MAP3K4: variants seen among roughly 807,000 people sequenced by gnomAD.
The protein encoded by MAP3K4 is MAP three kinase 1.
A neutral mutation model predicts 185.6 loss-of-function variants in MAP3K4; 67 were observed. That is an observed-to-expected ratio of 0.36 (90% confidence interval 0.30 to 0.44). The LOEUF (loss-of-function observed/expected upper bound fraction) is 0.44. Among genes scored for constraint, MAP3K4 ranks in the 20% least tolerant of loss-of-function variants. The pLI is 1.00. For synonymous variants in MAP3K4, 702 were observed against 710.4 expected (o/e 0.99, Z 0.19); for missense variants, 1,551 against 1,995.1 (o/e 0.78, Z 4.24).
In MAP3K4 at chr6:161,061,689, C is replaced by T. The variant is rs2114793230; in HGVS notation, c.1708-8919C>T. Reference sequence around the variant, plus strand: ...TTTCTGTCTCTTAATATTTGCCTAGCCATATAAATGTGGTCATATGGTATG... The same window carrying T: ...TTTCTGTCTCTTAATATTTGCCTAGTCATATAAATGTGGTCATATGGTATG... On this transcript the variant is annotated intron_variant, in intron 3 of 26. Coordinates refer to ENST00000392142, the MANE Select transcript of MAP3K4 (RefSeq NM_005922.4). This position sits in a 1 kb window ranked among gnomAD's most constrained non-coding sequence, Gnocchi z 4.2. Among the ~76,000 whole-genome samples, 1 of 152,314 alleles carries T rather than the reference C, an allele frequency of 6.6e-6. No homozygotes were observed. The highest frequency in any genetic ancestry group is 2.1e-4 in the South Asian group (1 of 4,818).
rs1562528370 is a variant in MAP3K4 at position 161,084,454 on chromosome 6, T to TATC, written c.2256-46_2256-45insTCA. On this transcript the variant is annotated intron_variant, in intron 6 of 26. Coordinates refer to ENST00000392142, the MANE Select transcript of MAP3K4 (RefSeq NM_005922.4). This position sits in a 1 kb window ranked among gnomAD's most constrained non-coding sequence, Gnocchi z 4.6. Reference sequence around the variant, plus strand: ...TCTCAGTCAAGAATTAGGCTATGAGTAGGGACAGTTTTCTTCTCTGTTTTA... The same window carrying TATC: ...TCTCAGTCAAGAATTAGGCTATGAGTATCAGGGACAGTTTTCTTCTCTGTTTTA... 2 of 896,222 alleles carry TATC rather than the reference T, an allele frequency of 2.2e-6. No individual in the cohort carries two copies. Among genetic ancestry groups the TATC allele is most frequent in the Admixed American group, 3.4e-5 (2 of 58,826 alleles). 55.5% of individuals were successfully genotyped at this position (896,222 alleles called of 1,614,324 possible).
In MAP3K4 at chr6:161,096,054, A is replaced by G. The variant is rs192758487; in HGVS notation, c.3428-1026A>G. ...TATTGAATTTCTTCCATTTGTTACT[A>G]TTGAATTTCTTCCATTTGCCATTGT... On this transcript the variant is annotated intron_variant, in intron 15 of 26. Coordinates refer to ENST00000392142, the MANE Select transcript of MAP3K4 (RefSeq NM_005922.4). The surrounding 1 kb of genome is among the most constrained non-coding windows in gnomAD (Gnocchi z 4.9). 6.6e-6 allele frequency among the ~76,000 whole-genome samples: 1 copy of G among 152,118 alleles called. No homozygotes were observed. Among genetic ancestry groups the G allele is most frequent in the Non-Finnish European group, 1.5e-5 (1 of 67,962 alleles).
chr6:161,065,658 G>A (rs1173299296), intron 3 of MAP3K4, among the ~76,000 whole-genome samples: 2 of 152,190 alleles, frequency 1.3e-5, no homozygotes, highest in East Asian at 3.8e-4. Context: ...ATATTTGTGG[G>A]CTGGGCACGG....
At chr6:161,057,866 A>G (rs905373148) in intron 3 of MAP3K4, among the ~76,000 whole-genome samples, 6 of 152,366 alleles carry the variant, frequency 3.9e-5, no homozygotes, top group Admixed American at 2.0e-4. Context: ...TAAACATACA[A>G]ACATACAAAG....
chr6:161,073,752 T>A lies in MAP3K4; in HGVS notation c.2097+140T>A. 1 of 867,356 alleles carries A rather than the reference T, an allele frequency of 1.2e-6. No individual in the cohort carries two copies. The highest frequency in any genetic ancestry group is 1.7e-6 in the Non-Finnish European group (1 of 594,684). 53.7% of individuals were successfully genotyped at this position (867,356 alleles called of 1,614,324 possible). A position where few individuals can be genotyped will look rare whatever the true frequency, so the allele number is the denominator to read the frequency against. Reference sequence around the variant, plus strand: ...CTCTAGTAATGAATTATAGAAATGATCCCTGAAAGTATAGCTTGTGTGTGT... The same window carrying A: ...CTCTAGTAATGAATTATAGAAATGAACCCTGAAAGTATAGCTTGTGTGTGT... On this transcript the variant is annotated intron_variant, in intron 5 of 26. Transcript: ENST00000392142. This position sits in a 1 kb window ranked among gnomAD's most constrained non-coding sequence, Gnocchi z 4.2.
At position 161,081,016 on chromosome 6, in the gene MAP3K4, G is replaced by T. The variant is rs1329541105; in HGVS notation, c.2233G>T (p.Ala745Ser). The change falls in exon 6 of 27, where the codon GCA (alanine) becomes TCA (serine). Residue 745 changes from alanine to serine, a missense_variant. By Grantham distance (99) the Ala-to-Ser change is moderately conservative (BLOSUM62 1). Transcript: ENST00000392142. The stretch of plus-strand genomic sequence containing the variant: ...AACTCATTACATACGGGGAGGAGAA[G>T]CACAGGCCGGGAAGCTTTTCTGGTA... ...EITHYIRGGE[A>S]QAGKLFCDIA... 6.2e-7 allele frequency: 1 copy of T among 1,613,970 alleles called. No homozygotes were observed. Among genetic ancestry groups the T allele is most frequent in the African/African-American group, 1.3e-5 (1 of 74,930 alleles).
Position 160,996,236 on chromosome 6 carries a change from G to T in MAP3K4, c.152+4153G>T, listed in dbSNP as rs1780985051. ...TGTAACAGTAGATGCCATTGGCGGGGGTGGCGTTAGGCAGAGAGGAGTCAC... is the reference window on the plus strand; with the variant it reads ...TGTAACAGTAGATGCCATTGGCGGGTGTGGCGTTAGGCAGAGAGGAGTCAC... On this transcript the variant is annotated intron_variant, in intron 1 of 26. Coordinates refer to ENST00000392142, the MANE Select transcript of MAP3K4 (RefSeq NM_005922.4). The surrounding 1 kb of genome is among the most constrained non-coding windows in gnomAD (Gnocchi z 4.5). Among the ~76,000 whole-genome samples the T allele has an allele frequency of 6.6e-6, 1 of 152,166 alleles. No homozygotes were observed. The highest frequency in any genetic ancestry group is 1.5e-5 in the Non-Finnish European group (1 of 68,038).
chr6:160,996,146 G>A lies in MAP3K4; in HGVS notation c.152+4063G>A, dbSNP rs966594616. Reference sequence around the variant, plus strand: ...TATGTCAACTGTTCTCCCTGGCAAAGTCAGCCTCCTGTGGTGCTCCAGACT... The same window carrying A: ...TATGTCAACTGTTCTCCCTGGCAAAATCAGCCTCCTGTGGTGCTCCAGACT... On this transcript the variant is annotated intron_variant, in intron 1 of 26. Transcript: ENST00000392142. The surrounding 1 kb of genome is among the most constrained non-coding windows in gnomAD (Gnocchi z 4.5). Among the ~76,000 whole-genome samples, 2 of 152,136 alleles carry A rather than the reference G, an allele frequency of 1.3e-5. No individual in the cohort carries two copies. Among genetic ancestry groups the A allele is most frequent in the Admixed American group, 1.3e-4 (2 of 15,272 alleles).
In MAP3K4 at chr6:161,091,545, G is replaced by A. The variant is rs1562533684; in HGVS notation, c.3135+5G>A. On this transcript the variant is annotated splice_donor_5th_base_variant and intron_variant, in intron 12 of 26. Transcript: ENST00000392142. The surrounding 1 kb of genome is among the most constrained non-coding windows in gnomAD (Gnocchi z 5.5). ...GGGTACAATTTTGGATTTGAGGTAGGTTCAAAATAAGAGGAAACACGGTAC... is the reference window on the plus strand; with the variant it reads ...GGGTACAATTTTGGATTTGAGGTAGATTCAAAATAAGAGGAAACACGGTAC... 1.2e-6 allele frequency: 2 copies of A among 1,608,056 alleles called. No individual in the cohort carries two copies. Among genetic ancestry groups the A allele is most frequent in the Non-Finnish European group, 1.7e-6 (2 of 1,177,676 alleles).
At position 161,107,823 on chromosome 6, in the gene MAP3K4, T is replaced by C. The variant is rs1778156069; in HGVS notation, c.4049-76T>C. The C allele has an allele frequency of 7.4e-6, 7 of 943,192 alleles. No homozygotes were observed. The highest frequency in any genetic ancestry group is 1.0e-5 in the Non-Finnish European group (6 of 585,054). The allele number at this position is 943,192 out of a possible 1,614,324, so 58.4% of individuals were successfully genotyped here. A position where few individuals can be genotyped will look rare whatever the true frequency, so the allele number is the denominator to read the frequency against. ...ATATACGTCCAAAATAATTGGACAG[T>C]ATTATTACAAGTTTAAGGAATGTAA... On this transcript the variant is annotated intron_variant, in intron 20 of 26. Transcript: ENST00000392142. This position sits in a 1 kb window ranked among gnomAD's most constrained non-coding sequence, Gnocchi z 6.2.
intron 1 of MAP3K4, among the ~76,000 whole-genome samples, chr6:161,030,942 T>C (rs1782898904): frequency 6.6e-6 from 1 of 152,208 alleles, no homozygotes; most frequent in African/African-American, 2.4e-5. Context: ...TAATTACGAA[T>C]TATAAGTATA....
intron 3 of MAP3K4, among the ~76,000 whole-genome samples, chr6:161,050,901 C>A (rs1313638273): frequency 6.6e-6 from 1 of 152,220 alleles, no homozygotes; most frequent in Non-Finnish European, 1.5e-5. Context: ...CCCTTGGTAT[C>A]AGAGGTGGTT....
rs893831819 is a variant in MAP3K4 at position 161,109,132 on chromosome 6, A to G, written c.4236+273A>G. The G allele has an allele frequency of 2.4e-5, 20 of 833,846 alleles. No individual in the cohort carries two copies. Among genetic ancestry groups the G allele is most frequent in the Non-Finnish European group, 3.2e-5 (17 of 534,906 alleles). 51.7% of individuals were successfully genotyped at this position (833,846 alleles called of 1,614,324 possible). A position where few individuals can be genotyped will look rare whatever the true frequency, so the allele number is the denominator to read the frequency against. On this transcript the variant is annotated intron_variant, in intron 22 of 26. Transcript: ENST00000392142. This position sits in a 1 kb window ranked among gnomAD's most constrained non-coding sequence, Gnocchi z 5.7. ...AAGATTCTTCTAAAACGCCCCTTAC[A>G]CCACTTCTTGTGACTTTTTTTCCGT...
rs372634209 is a variant in MAP3K4, at chr6:161,108,825, A to G, written c.4202A>G (p.Asn1401Ser). The change falls in exon 22 of 27, where the codon AAT becomes AGT. Residue 1401 changes from asparagine (N) to serine (S), a missense_variant. Physicochemically the swap from Asn to Ser is conservative, Grantham distance 46. This residue lies in a region of MAP3K4 where 159 missense variants were observed against 300.5 expected (regional missense o/e 0.53). Transcript: ENST00000392142. The surrounding 1 kb of genome is among the most constrained non-coding windows in gnomAD (Gnocchi z 5.7). ...ATATTCGAAGGCATCAAACACCCCAATCTGGTTCGGTATTTTGGTGTGGAG... is the reference window on the plus strand; with the variant it reads ...ATATTCGAAGGCATCAAACACCCCAGTCTGGTTCGGTATTTTGGTGTGGAG... ...LKIFEGIKHP[N>S]LVRYFGVELH... 4.8e-5 allele frequency: 77 copies of G among 1,613,964 alleles called. No individual in the cohort carries two copies. The highest frequency in any genetic ancestry group is 8.9e-5 in the East Asian group (4 of 44,884).
intron 11 of MAP3K4, among the ~76,000 whole-genome samples, chr6:161,090,362 G>T (rs1312771560): frequency 6.6e-6 from 1 of 152,142 alleles, no homozygotes; most frequent in Non-Finnish European, 1.5e-5. Flanking sequence ...GCTCGAGCCA[G>T]GGCAGGGCTT....
Position 161,087,590 on chromosome 6 carries a change from C to A in MAP3K4, c.2557-98C>A. 7.5e-7 allele frequency: 1 copy of A among 1,333,526 alleles called. No homozygotes were observed. The highest frequency in any genetic ancestry group is 2.3e-5 in the East Asian group (1 of 43,130). The allele number at this position is 1,333,526 out of a possible 1,614,324, so 82.6% of individuals were successfully genotyped here. The stretch of plus-strand genomic sequence containing the variant: ...CCAATTCATGCCCTTCCCACTTTCC[C>A]TTTCCCAAACCTGCCTCTCCTTTCC... On this transcript the variant is annotated intron_variant, in intron 9 of 26. Transcript: ENST00000392142. The surrounding 1 kb of genome is among the most constrained non-coding windows in gnomAD (Gnocchi z 4.9).
Position 161,049,394 on chromosome 6 carries a change from T to G in MAP3K4, c.1122T>G (p.Leu374=). 2 of 1,614,184 alleles carry G rather than the reference T, an allele frequency of 1.2e-6. No homozygotes were observed. The highest frequency in any genetic ancestry group is 1.7e-6 in the Non-Finnish European group (2 of 1,180,028). ...IEALYPSLQA[L]QKDYEKYAAK... Reference sequence around the variant, plus strand: ...CACTTTATCCATCATTGCAGGCTCTTCAGAAGGACTATGAAAAATATGCTG... The same window carrying G: ...CACTTTATCCATCATTGCAGGCTCTGCAGAAGGACTATGAAAAATATGCTG... The change falls in exon 3 of 27, where the codon CTT becomes CTG. Residue 374 remains leucine (L), a synonymous_variant. Transcript: ENST00000392142. The surrounding 1 kb of genome is among the most constrained non-coding windows in gnomAD (Gnocchi z 8.4).
Position 161,073,944 on chromosome 6 carries a change from A to G in MAP3K4, c.2097+332A>G, listed in dbSNP as rs915683308. On this transcript the variant is annotated intron_variant, in intron 5 of 26. Coordinates refer to ENST00000392142, the MANE Select transcript of MAP3K4 (RefSeq NM_005922.4). The surrounding 1 kb of genome is among the most constrained non-coding windows in gnomAD (Gnocchi z 4.2). ...TCATTCTTTACTTGTAGAATAGTTC[A>G]TCTTATGGCAGAATGGCCCAGAAGT... 2.0e-5 allele frequency among the ~76,000 whole-genome samples: 3 copies of G among 152,226 alleles called. No individual in the cohort carries two copies. The highest frequency in any genetic ancestry group is 1.5e-5 in the Non-Finnish European group (1 of 68,036).
chr6:161,066,403 ATCTTT>A (rs1392472082), intron 3 of MAP3K4, among the ~76,000 whole-genome samples: 3 of 146,724 alleles, frequency 2.0e-5, no homozygotes, highest in Admixed American at 2.0e-4. Context: ...TTTCCATTTC[ATCTTT>A]TCTTTTTTTT....
Sources: gnomAD v4.1 joint callset for allele counts (sites outside exome capture counted in the v4.1 genomes callset) on GRCh38, gnomAD v4.1.1 for gene constraint, gnomAD v4.1.1 regional missense constraint, Gnocchi (gnomAD v3.1) non-coding constraint, MANE v1.5 for transcripts, NCBI Gene and HGNC (gene_info 2026-07-23, HGNC 2026-07-21) for gene names.